Variants in COMMD2 observed in about 807,000 individuals in gnomAD.
The protein encoded by COMMD2 is COMM domain containing 2.
Under a neutral mutation model 22.5 loss-of-function variants are expected in COMMD2, and 25 were observed. The ratio of observed to expected loss-of-function variants is 1.11; its 90% CI spans 0.81 to 1.55. COMMD2 has a LOEUF of 1.55. Ranked by LOEUF, COMMD2 falls within the 40% of genes most tolerant of loss-of-function variation. The probability of loss-of-function intolerance (pLI) is 0.00; values close to 1 mark genes in which losing one functional copy is unlikely to be tolerated. For missense variants in COMMD2, 223 were observed against 232.9 expected, an observed-to-expected ratio of 0.96 and a Z score of 0.28; for synonymous variants, 98 against 91.2, an observed-to-expected ratio of 1.07 and a Z score of -0.42.
intron 4 of COMMD2, among the ~76,000 whole-genome samples, chr3:149,743,000 GA>G (rs199787409): frequency 6.7e-6 from 1 of 148,338 alleles, no homozygotes; most frequent in Admixed American, 6.6e-5. Flanking sequence ...AAAAGAAAAA[GA>G]AAAGATTCAC....
At position 149,751,383 on chromosome 3, in the gene COMMD2, C is replaced by T; in HGVS notation, c.228+20G>A. 6.2e-7 allele frequency: 1 copy of T among 1,614,046 alleles called. No individual in the cohort carries two copies. The highest frequency in any genetic ancestry group is 8.5e-7 in the Non-Finnish European group (1 of 1,179,952). ...TCTTAAGAATCCAGCCAACACAAAA[C>T]AGTCCAGAAAATCCCTTACCATGAG... On this transcript the variant is annotated intron_variant, in intron 3 of 4. Transcript: ENST00000473414.
intron 3 of COMMD2, 29 bp downstream of exon 3, chr3:149,751,373 CA>C: frequency 6.2e-7 from 1 of 1,613,852 alleles, no homozygotes; most frequent in East Asian, 2.2e-5. Flanking sequence ...AGAATCCAGC[CA>C]ACACAAAACA....
rs574864420 is a variant in COMMD2 at position 149,739,098 on chromosome 3, A to C, written c.*2423T>G. 2 of 152,326 alleles carry C rather than the reference A, an allele frequency of 1.3e-5. No homozygotes were observed. Among genetic ancestry groups the C allele is most frequent in the African/African-American group, 4.8e-5 (2 of 41,584 alleles). 9.4% of individuals were successfully genotyped at this position (152,326 alleles called of 1,614,324 possible). On this transcript the variant is annotated 3_prime_UTR_variant, in exon 5 of 5. Coordinates refer to ENST00000473414, the MANE Select transcript of COMMD2 (RefSeq NM_016094.4). ...ATTTAAGTCTAAACATGCACCAGCC[A>C]ATCGTGAAAAGTCAGCATACTCATA... is the stretch of plus-strand genomic sequence containing the variant.
Position 149,739,111 on chromosome 3 carries a change from C to T in COMMD2, c.*2410G>A, listed in dbSNP as rs1051122299. 6.6e-6 allele frequency: 1 copy of T among 152,114 alleles called. No homozygotes were observed. Among genetic ancestry groups the T allele is most frequent in the African/African-American group, 2.4e-5 (1 of 41,434 alleles). The allele number at this position is 152,114 out of a possible 1,614,324, so 9.4% of individuals were successfully genotyped here. ...CATGCACCAGCCAATCGTGAAAAGTCAGCATACTCATAATCCAAAAAGCTT... is the reference window on the plus strand; with the variant it reads ...CATGCACCAGCCAATCGTGAAAAGTTAGCATACTCATAATCCAAAAAGCTT... On this transcript the variant is annotated 3_prime_UTR_variant, in exon 5 of 5. Transcript: ENST00000473414.
chr3:149,745,647 A>G (rs1381349162), intron 4 of COMMD2, among the ~76,000 whole-genome samples: 4 of 152,256 alleles, frequency 2.6e-5, no homozygotes, highest in Non-Finnish European at 5.9e-5. Context: ...AACTGAATAG[A>G]TATAGAAACA....
At position 149,741,225 on chromosome 3, in the gene COMMD2, C is replaced by T. The variant is rs1576657197; in HGVS notation, c.*296G>A. ...ACTCTGATAGATGCGTGCCACCACA[C>T]CTGGCTAATTTTTTATATTTTTAGT... On this transcript the variant is annotated 3_prime_UTR_variant, in exon 5 of 5. Coordinates refer to ENST00000473414, the MANE Select transcript of COMMD2 (RefSeq NM_016094.4). The T allele has an allele frequency of 3.5e-6, 1 of 285,506 alleles. No homozygotes were observed. The highest frequency in any genetic ancestry group is 1.3e-3 in the Middle Eastern group (1 of 792). The allele number at this position is 285,506 out of a possible 1,614,324, so 17.7% of individuals were successfully genotyped here.
rs140884434 is a variant in COMMD2, at chr3:149,752,080, T to C, written c.145+130A>G. The C allele has an allele frequency of 7.7e-5, 57 of 735,602 alleles. No homozygotes were observed. The African/African-American group carries it at 9.5e-4, about 12-fold the overall frequency. 45.6% of individuals were successfully genotyped at this position (735,602 alleles called of 1,614,324 possible). A position where few individuals can be genotyped will look rare whatever the true frequency, so the allele number is the denominator to read the frequency against. On this transcript the variant is annotated intron_variant, in intron 2 of 4. Transcript: ENST00000473414. ...GATTTGCACCCTGACTGAAGAGCTCTGCTGGTTTTATTCTACTACAATCGG... is the reference window on the plus strand; with the variant it reads ...GATTTGCACCCTGACTGAAGAGCTCCGCTGGTTTTATTCTACTACAATCGG...
intron 4 of COMMD2, among the ~76,000 whole-genome samples, chr3:149,747,652 A>G (rs1429444778): frequency 6.6e-6 from 1 of 152,208 alleles, no homozygotes; most frequent in East Asian, 1.9e-4. Context: ...AAGTCTTAGT[A>G]TAGGCTGGGC....
chr3:149,750,781 AG>A lies in COMMD2; in HGVS notation c.298del (p.Leu100PhefsTer15). 1 of 1,607,092 alleles carries A rather than the reference AG, an allele frequency of 6.2e-7. No homozygotes were observed. The highest frequency in any genetic ancestry group is 8.5e-7 in the Non-Finnish European group (1 of 1,175,596). ...TTTTCTGTTGTCCAGATAAAGCTGA[AG>A]CAACAATTTGTTTAATTCTTCAGAG... Reference protein sequence around the residue: ...GFSEELNKLLLQLYLDNRKEI... With the variant: ...GFSEELNKLLXQLYLDNRKEI... On this transcript the variant is annotated frameshift_variant, in exon 4 of 5. Transcript: ENST00000473414. LOFTEE classifies it high-confidence loss of function.
chr3:149,745,471 C>T (rs1343827930), intron 4 of COMMD2, among the ~76,000 whole-genome samples: 8 of 152,174 alleles, frequency 5.3e-5, no homozygotes, highest in African/African-American at 9.7e-5. Context: ...CCATATCCTG[C>T]GTTCATGCCT....
rs751416299 is a variant in COMMD2 at position 149,752,367 on chromosome 3, C to G, written c.67+11G>C. 5 of 1,614,016 alleles carry G rather than the reference C, an allele frequency of 3.1e-6. No homozygotes were observed. The highest frequency in any genetic ancestry group is 3.4e-6 in the Non-Finnish European group (4 of 1,179,964). On this transcript the variant is annotated intron_variant, in intron 1 of 4. Transcript: ENST00000473414. ...CCCAGCCCACAGAACACCGCCCCCA[C>G]GCCCGCTGACCCGCGCTGTCCACTT...
intron 4 of COMMD2, among the ~76,000 whole-genome samples, chr3:149,748,456 C>A (rs79297729): frequency 0.02 from 3,060 of 152,206 alleles, 107 homozygotes; most frequent in East Asian, 0.13. Context: ...AAACAAAAAA[C>A]CAAAAAACCA....
At chr3:149,742,849 C>G (rs1367698759) in intron 4 of COMMD2, among the ~76,000 whole-genome samples, 1 of 151,782 alleles carries the variant, frequency 6.6e-6, no homozygotes, top group African/African-American at 2.4e-5. Context: ...GCCTGTAGTC[C>G]CAGCTACTTG....
intron 4 of COMMD2, among the ~76,000 whole-genome samples, chr3:149,745,946 T>G (rs937484084): frequency 1.3e-5 from 2 of 152,236 alleles, no homozygotes; most frequent in Non-Finnish European, 2.9e-5. Flanking sequence ...CTTACTCTAA[T>G]TACTGGCTTT....
At position 149,741,463 on chromosome 3, in the gene COMMD2, T is replaced by C. The variant is rs1472744576; in HGVS notation, c.*58A>G. ...ATAAAAAATTAATTTTGAAAAGTAA[T>C]TGCTGTATATCATCAATTCATAAGT... is the stretch of plus-strand genomic sequence containing the variant. On this transcript the variant is annotated 3_prime_UTR_variant, in exon 5 of 5. Coordinates refer to ENST00000473414, the MANE Select transcript of COMMD2 (RefSeq NM_016094.4). The C allele has an allele frequency of 3.8e-6, 5 of 1,317,284 alleles. No individual in the cohort carries two copies. The East Asian group carries it at 6.9e-5, about 18-fold the overall frequency. 81.6% of individuals were successfully genotyped at this position (1,317,284 alleles called of 1,614,324 possible).
intron 4 of COMMD2, among the ~76,000 whole-genome samples, chr3:149,745,556 G>GT (rs1716345513): frequency 6.6e-6 from 1 of 152,112 alleles, no homozygotes; most frequent in Non-Finnish European, 1.5e-5. Context: ...CCCTCTTACT[G>GT]TAAGACTGTG....
At position 149,740,595 on chromosome 3, in the gene COMMD2, T is replaced by C. The variant is rs1051887214; in HGVS notation, c.*926A>G. ...TCAAACTTAGGCAATATGATACTTATCATCTTCATATACAAAGAAAAATGA... is the reference window on the plus strand; with the variant it reads ...TCAAACTTAGGCAATATGATACTTACCATCTTCATATACAAAGAAAAATGA... On this transcript the variant is annotated 3_prime_UTR_variant, in exon 5 of 5. Coordinates refer to ENST00000473414, the MANE Select transcript of COMMD2 (RefSeq NM_016094.4). 6 of 152,112 alleles carry C rather than the reference T, an allele frequency of 3.9e-5. No homozygotes were observed. Among genetic ancestry groups the C allele is most frequent in the South Asian group, 2.1e-4 (1 of 4,834 alleles). 9.4% of individuals were successfully genotyped at this position (152,112 alleles called of 1,614,324 possible). A position where few individuals can be genotyped will look rare whatever the true frequency, so the allele number is the denominator to read the frequency against.
At chr3:149,746,345 T>C (rs1047533091) in intron 4 of COMMD2, among the ~76,000 whole-genome samples, 2 of 152,148 alleles carry the variant, frequency 1.3e-5, no homozygotes, top group Non-Finnish European at 2.9e-5. Context: ...CCAAAAATAC[T>C]TGGCCTGTGT....
In COMMD2 at chr3:149,738,486, T is replaced by A. The variant is rs1311168450; in HGVS notation, c.*3035A>T. 1 of 152,016 alleles carries A rather than the reference T, an allele frequency of 6.6e-6. No individual in the cohort carries two copies. The highest frequency in any genetic ancestry group is 1.5e-5 in the Non-Finnish European group (1 of 67,936). The allele number at this position is 152,016 out of a possible 1,614,324, so 9.4% of individuals were successfully genotyped here. A position where few individuals can be genotyped will look rare whatever the true frequency, so the allele number is the denominator to read the frequency against. ...GTCTACAAAACTATTTCAATAATGG[T>A]AAACATTTATTGAGTTCTTTGTAAA... On this transcript the variant is annotated 3_prime_UTR_variant, in exon 5 of 5. Transcript: ENST00000473414.
Sources: gnomAD v4.1 joint callset for allele counts (sites outside exome capture counted in the v4.1 genomes callset) on GRCh38, gnomAD v4.1.1 for gene constraint, MANE v1.5 for transcripts, NCBI Gene and HGNC (gene_info 2026-07-23, HGNC 2026-07-21) for gene names.